The following GHR variants were observed in gnomAD, a reference collection of about 807,000 sequenced individuals.
The protein encoded by GHR is growth hormone receptor, also known as GH receptor.
A neutral mutation model predicts 67.1 loss-of-function variants in GHR; 35 were observed. The ratio of observed to expected loss-of-function variants is 0.52; its 90% CI spans 0.40 to 0.69. The LOEUF is 0.69. Ranked by LOEUF, GHR falls within the 30% of genes least tolerant of loss-of-function variation. GHR has a pLI of 0.00. For missense variants in GHR, 792 were observed against 764.6 expected (o/e 1.04, Z -0.42); for synonymous variants, 272 against 269.1 (o/e 1.01, Z -0.10).
intron 8 of GHR, among the ~76,000 whole-genome samples, chr5:42,717,428 T>C (rs1168619996): frequency 6.6e-6 from 1 of 152,206 alleles, no homozygotes; most frequent in African/African-American, 2.4e-5. Context: ...AAAATGTAAG[T>C]GCATCCTAGA....
At chr5:42,464,022 AGAAAT>A (rs1744616204) in intron 1 of GHR, among the ~76,000 whole-genome samples, 5 of 145,672 alleles carry the variant, frequency 3.4e-5, no homozygotes, top group Non-Finnish European at 6.0e-5. Flanking sequence ...AAAAAGAAAA[AGAAAT>A]AATTTAGTGT....
chr5:42,537,793 C>A (rs1748326304), intron 1 of GHR, among the ~76,000 whole-genome samples: 1 of 152,130 alleles, frequency 6.6e-6, no homozygotes, highest in South Asian at 2.1e-4. Flanking sequence ...CTGTTTCTCT[C>A]ATTTCTTAGG....
intron 1 of GHR, among the ~76,000 whole-genome samples, chr5:42,463,285 T>A (rs1388428135): frequency 1.3e-5 from 2 of 152,182 alleles, no homozygotes; most frequent in East Asian, 3.8e-4. Flanking sequence ...ATAGACAAGC[T>A]CCATGATTTA....
intron 3 of GHR, among the ~76,000 whole-genome samples, chr5:42,632,817 T>G (rs1416346254): frequency 7.9e-5 from 12 of 152,176 alleles, no homozygotes; most frequent in Admixed American, 5.2e-4. Flanking sequence ...TAAAGAGATA[T>G]CCAAACAACT....
chr5:42,626,610 C>A (rs766557336), intron 2 of GHR, among the ~76,000 whole-genome samples: 7 of 152,142 alleles, frequency 4.6e-5, no homozygotes, highest in Non-Finnish European at 7.3e-5. Flanking sequence ...GTGTCTCAAC[C>A]TCTAATCAAC....
chr5:42,714,834 A>C (rs1758642944), intron 8 of GHR, among the ~76,000 whole-genome samples: 1 of 152,192 alleles, frequency 6.6e-6, no homozygotes, highest in African/African-American at 2.4e-5. Flanking sequence ...TATTCTGTTG[A>C]TTAATTTCAG....
At chr5:42,525,615 G>A (rs767825248) in intron 1 of GHR, among the ~76,000 whole-genome samples, 2 of 152,188 alleles carry the variant, frequency 1.3e-5, no homozygotes, top group Non-Finnish European at 2.9e-5. Flanking sequence ...GTGAAGACAT[G>A]AGATTTGGAG....
intron 2 of GHR, among the ~76,000 whole-genome samples, chr5:42,618,966 A>G (rs1409300304): frequency 6.6e-6 from 1 of 152,070 alleles, no homozygotes; most frequent in Non-Finnish European, 1.5e-5. Context: ...ATAAGTGCTC[A>G]ATAATATGTC....
intron 1 of GHR, among the ~76,000 whole-genome samples, chr5:42,474,154 A>C (rs1451230786): frequency 6.6e-6 from 1 of 151,496 alleles, no homozygotes; most frequent in Non-Finnish European, 1.5e-5. Flanking sequence ...GTGCCACAGC[A>C]CTCCAACCTG....
chr5:42,671,813 G>A (rs1327477692), intron 3 of GHR, among the ~76,000 whole-genome samples: 4 of 151,666 alleles, frequency 2.6e-5, no homozygotes, highest in Non-Finnish European at 5.9e-5. Flanking sequence ...AAAATTAGCC[G>A]GGCGTAGGGG....
intron 1 of GHR, among the ~76,000 whole-genome samples, chr5:42,527,576 C>A (rs1332935420): frequency 6.6e-6 from 1 of 152,168 alleles, no homozygotes; most frequent in Non-Finnish European, 1.5e-5. Context: ...TCTTAGATAC[C>A]TACAAAGAGA....
At chr5:42,557,704 A>G (rs933394492) in intron 1 of GHR, among the ~76,000 whole-genome samples, 1 of 152,204 alleles carries the variant, frequency 6.6e-6, no homozygotes, top group African/African-American at 2.4e-5. Flanking sequence ...ATGAAGATTA[A>G]TGATAGCATC....
intron 1 of GHR, 176 bp from the exon 2 acceptor site, chr5:42,565,688 T>C: frequency 5.1e-6 from 5 of 985,354 alleles, no homozygotes; most frequent in Non-Finnish European, 6.0e-6. Context: ...ACCTGCTGTT[T>C]GAGTTCATGA....
rs1466116532 is a variant in GHR, at chr5:42,671,956, A to G, written c.137-16934A>G. Among the ~76,000 whole-genome samples, 10 of 16,132 alleles carry G rather than the reference A, an allele frequency of 6.2e-4. No homozygotes were observed. The South Asian group carries it at 7.7e-3, about 12-fold the overall frequency. 10.6% of individuals were successfully genotyped at this position (16,132 alleles called of 152,430 possible). On this transcript the variant is annotated intron_variant, in intron 3 of 9. Transcript: ENST00000230882. ...GGGCGACAGAGCAAGACTCCGTCTC[A>G]AAAAAAAAAAAAAAAAGAAACTAGG...
chr5:42,554,370 G>T (rs1041080469), intron 1 of GHR, among the ~76,000 whole-genome samples: 2 of 152,054 alleles, frequency 1.3e-5, no homozygotes, highest in African/African-American at 2.4e-5. Context: ...TGCTTTAATT[G>T]TATGTAGAGT....
At chr5:42,716,169 CAA>C (rs35197877) in intron 8 of GHR, among the ~76,000 whole-genome samples, 2 of 29,796 alleles carry the variant, frequency 6.7e-5, no homozygotes, top group African/African-American at 1.5e-4. Context: ...GATGCAGAAT[CAA>C]AAAAAAAAAA....
chr5:42,593,152 G>T lies in GHR; in HGVS notation c.70+27208G>T, dbSNP rs988419602. Among the ~76,000 whole-genome samples the T allele has an allele frequency of 2.6e-5, 4 of 152,154 alleles. No homozygotes were observed. In the Middle Eastern group the frequency reaches 0.014, roughly 518 times the overall value. ...TTTAAAAAACCTTATAATCAATATTGCATTAAAATTTTCAGCTGTGTGATT... is the reference window on the plus strand; with the variant it reads ...TTTAAAAAACCTTATAATCAATATTTCATTAAAATTTTCAGCTGTGTGATT... On this transcript the variant is annotated intron_variant, in intron 2 of 9. Coordinates refer to ENST00000230882, the MANE Select transcript of GHR (RefSeq NM_000163.5).
chr5:42,443,217 G>C (rs1057062530), intron 1 of GHR, among the ~76,000 whole-genome samples: 1 of 152,140 alleles, frequency 6.6e-6, no homozygotes, highest in Admixed American at 6.5e-5. Flanking sequence ...GAATGGTCTT[G>C]AGCCTAGTTG....
chr5:42,718,157 T>G (rs1422439766), intron 9 of GHR, 36 bp downstream of exon 9: 1 of 1,021,008 alleles, frequency 9.8e-7, no homozygotes, highest in African/African-American at 1.6e-5. Context: ...TAGCTAGTAC[T>G]AATTAACACC....
Sources: allele counts gnomAD v4.1 joint callset (sites outside exome capture counted in the v4.1 genomes callset), GRCh38; gene constraint gnomAD v4.1.1; transcripts MANE v1.5; gene names NCBI Gene and HGNC (gene_info 2026-07-23, HGNC 2026-07-21).